The following CORO2B variants were observed in gnomAD, a reference collection of about 807,000 sequenced individuals.
CORO2B encodes the protein coronin-2B.
In CORO2B, 26 loss-of-function variants were observed where a neutral mutation model predicts 58.8. The observed-to-expected ratio is 0.44, with a 90% CI of 0.32 to 0.61. CORO2B has a LOEUF of 0.61. Ranked by LOEUF, CORO2B falls within the 20% of genes least tolerant of loss-of-function variation. The pLI is 0.04. For synonymous variants in CORO2B, 242 were observed against 253.8 expected, an observed-to-expected ratio of 0.95 and a Z score of 0.44; for missense variants, 460 against 645.1, an observed-to-expected ratio of 0.71 and a Z score of 3.11.
chr15:68,685,589 GT>G (rs1902940510), intron 2 of CORO2B, among the ~76,000 whole-genome samples: 1 of 152,206 alleles, frequency 6.6e-6, no homozygotes, highest in South Asian at 2.1e-4. Flanking sequence ...GAATGCACAA[GT>G]ATTTCAGGTG....
At chr15:68,608,934 G>C (rs1438185844) in intron 1 of CORO2B, among the ~76,000 whole-genome samples, 1 of 147,690 alleles carries the variant, frequency 6.8e-6, no homozygotes, top group Non-Finnish European at 1.5e-5. Flanking sequence ...CTGGGTACTA[G>C]GAAGAGAGAG....
At chr15:68,525,574 T>C in the CORO2B span, among the ~76,000 whole-genome samples, 1 of 152,224 alleles carries the variant, frequency 6.6e-6, no homozygotes, top group Non-Finnish European at 1.5e-5. Flanking sequence ...TTCTGTTACT[T>C]GCTCACTCAA....
chr15:68,686,020 GTTTTTTTTTTTTTTTTTC>G (rs1300757338), intron 2 of CORO2B, among the ~76,000 whole-genome samples: 2 of 103,334 alleles, frequency 1.9e-5, no homozygotes, highest in Non-Finnish European at 4.0e-5. Flanking sequence ...TCCTACTTCT[GTTTTTTTTTTTTTTTTTC>G]TTTTTTTTTT....
intron 2 of CORO2B, among the ~76,000 whole-genome samples, chr15:68,679,935 G>T (rs1489540894): frequency 1.3e-5 from 2 of 152,228 alleles, no homozygotes; most frequent in East Asian, 1.9e-4. Flanking sequence ...GAGCAAGGCT[G>T]AAGTTCTGAG....
At chr15:68,574,115 G>A (rs527912404), upstream of CORO2B, among the ~76,000 whole-genome samples, 1 of 152,290 alleles carries the variant, frequency 6.6e-6, no homozygotes, top group South Asian at 2.1e-4. Flanking sequence ...AAGAGCTGCT[G>A]GGGGAGAACA....
At chr15:68,578,740 G>A (rs897328889), upstream of CORO2B, among the ~76,000 whole-genome samples, 1 of 152,074 alleles carries the variant, frequency 6.6e-6, no homozygotes, top group Non-Finnish European at 1.5e-5. The surrounding 1 kb of genome is among the most constrained non-coding windows in gnomAD (Gnocchi z 4.2). Flanking sequence ...GCCGGCAGGT[G>A]CCGGGAGCCA....
At chr15:68,699,202 C>T (rs192596474) in intron 3 of CORO2B, among the ~76,000 whole-genome samples, 3 of 152,068 alleles carry the variant, frequency 2.0e-5, no homozygotes, top group Admixed American at 6.5e-5. Context: ...AGGGCAGCTG[C>T]GAAGGGCAGT....
chr15:68,585,368 A>G (rs1566977947), intron 1 of CORO2B, among the ~76,000 whole-genome samples: 2 of 152,184 alleles, frequency 1.3e-5, no homozygotes, highest in Admixed American at 1.3e-4. Context: ...ATTAATCACC[A>G]TCATCATGAT....
the CORO2B span, among the ~76,000 whole-genome samples, chr15:68,526,079 C>A: frequency 6.6e-6 from 1 of 152,164 alleles, no homozygotes; most frequent in African/African-American, 2.4e-5. Flanking sequence ...TGAGACTTAT[C>A]CATGTGGTTT....
chr15:68,618,536 C>T (rs1204818912), intron 1 of CORO2B, among the ~76,000 whole-genome samples: 1 of 152,218 alleles, frequency 6.6e-6, no homozygotes, highest in Non-Finnish European at 1.5e-5. Context: ...CGTGAGTGCG[C>T]AGCTGAGGAG....
intron 2 of CORO2B, among the ~76,000 whole-genome samples, chr15:68,672,570 A>G (rs1281589075): frequency 1.3e-5 from 2 of 152,202 alleles, no homozygotes; most frequent in Non-Finnish European, 2.9e-5. Flanking sequence ...TGAGCCAAGT[A>G]TAATACACAT....
intron 8 of CORO2B, among the ~76,000 whole-genome samples, chr15:68,715,818 G>A (rs1207287289): frequency 2.0e-5 from 3 of 152,238 alleles, no homozygotes; most frequent in Non-Finnish European, 4.4e-5. Flanking sequence ...TTGACAGGGT[G>A]TAGTGAGTGA....
At chr15:68,695,073 C>G in intron 2 of CORO2B, 67 bp from the exon 3 acceptor site, 2 of 1,219,470 alleles carry the variant, frequency 1.6e-6, no homozygotes, top group Non-Finnish European at 2.4e-6. Flanking sequence ...AAAAGGTGCT[C>G]CATTCAAGGC....
chr15:68,618,320 G>C (rs77844638), intron 1 of CORO2B, among the ~76,000 whole-genome samples: 2 of 152,136 alleles, frequency 1.3e-5, no homozygotes, highest in Non-Finnish European at 2.9e-5. Context: ...TGGGTTGAGC[G>C]TTGCATATAT....
At chr15:68,559,608 C>A in the CORO2B span, 1 of 985,374 alleles carries the variant, frequency 1.0e-6, no homozygotes, top group Non-Finnish European at 1.2e-6. This position sits in a 1 kb window ranked among gnomAD's most constrained non-coding sequence, Gnocchi z 4.3. Context: ...AACAAGCGTG[C>A]TGATGGTAAG....
the CORO2B span, among the ~76,000 whole-genome samples, chr15:68,548,012 A>C: frequency 6.6e-6 from 1 of 151,956 alleles, no homozygotes; most frequent in African/African-American, 2.4e-5. Flanking sequence ...CTCTACTAAA[A>C]ATACAAAAAT....
At chr15:68,719,106 C>G (rs1893100347) in intron 9 of CORO2B, 38 bp from the exon 10 acceptor site, 2 of 1,505,214 alleles carry the variant, frequency 1.3e-6, no homozygotes, top group South Asian at 2.3e-5. Flanking sequence ...TTCCCAGCAG[C>G]CCCCCATGTG....
At chr15:68,548,189 A>ATATGTGTG in the CORO2B span, among the ~76,000 whole-genome samples, 85 of 145,146 alleles carry the variant, frequency 5.9e-4, no homozygotes, top group African/African-American at 2.1e-3. Context: ...ATATATATAT[A>ATATGTGTG]TGTGTGTGTG....
chr15:68,525,780 C>T, the CORO2B span, among the ~76,000 whole-genome samples: 6 of 152,090 alleles, frequency 3.9e-5, no homozygotes, highest in Admixed American at 2.0e-4. Context: ...TAAATTATAA[C>T]GTGTTAAAAT....
Sources: allele counts gnomAD v4.1 joint callset (sites outside exome capture counted in the v4.1 genomes callset), GRCh38; gene constraint gnomAD v4.1.1; non-coding constraint Gnocchi (gnomAD v3.1); transcripts MANE v1.5; gene names NCBI Gene and HGNC (gene_info 2026-07-23, HGNC 2026-07-21).